NBPF3: variants seen among roughly 807,000 people sequenced by gnomAD.
NBPF3 encodes the protein NBPF family member NBPF3.
Under a neutral mutation model 78.1 loss-of-function variants are expected in NBPF3, and 57 were observed. The observed-to-expected ratio is 0.73, with a 90% CI of 0.59 to 0.91. The LOEUF (loss-of-function observed/expected upper bound fraction) is 0.91. NBPF3 is among the 40% of genes least tolerant of loss of function. The probability of loss-of-function intolerance (pLI) is 0.00; values close to 1 mark genes in which losing one functional copy is unlikely to be tolerated. For missense variants in NBPF3, 510 were observed against 715.3 expected (o/e 0.71, Z 3.27); for synonymous variants, 182 against 271.7 (o/e 0.67, Z 3.25).
intron 1 of NBPF3, among the ~76,000 whole-genome samples, chr1:21,442,591 A>G (rs555643010): frequency 1.4e-4 from 21 of 152,276 alleles, no homozygotes; most frequent in African/African-American, 4.8e-4. Context: ...TGTCATCTTT[A>G]AGAAATCAAT....
At chr1:21,438,234 TC>T (rs1640464487), upstream of NBPF3, among the ~76,000 whole-genome samples, 1 of 151,880 alleles carries the variant, frequency 6.6e-6, no homozygotes, top group African/African-American at 2.4e-5. Context: ...TGCCTCAGCC[TC>T]CCGAGTAGCT....
chr1:21,454,302 C>G (rs1445873409), intron 2 of NBPF3: 1 of 152,164 alleles, frequency 6.6e-6, no homozygotes, highest in Non-Finnish European at 1.5e-5. Context: ...AATGCCTAGA[C>G]TCCCATGAGT....
intron 1 of NBPF3, 106 bp downstream of exon 1, chr1:21,440,454 CGGGTGGG>C (rs1211973556): frequency 4.7e-4 from 3 of 6,420 alleles, no homozygotes; most frequent in African/African-American, 2.0e-3. Flanking sequence ...AGCGCGGGGG[CGGGTGGG>C]AGGTGGGGGG....
chr1:21,458,604 T>C (rs867981881), intron 2 of NBPF3, among the ~76,000 whole-genome samples: 8 of 152,172 alleles, frequency 5.3e-5, no homozygotes, highest in African/African-American at 1.2e-4. Flanking sequence ...GCATTAACCG[T>C]TGATGCAAAT....
chr1:21,472,797 G>T, intron 5 of NBPF3, 46 bp from the exon 6 acceptor site: 1 of 1,350,080 alleles, frequency 7.4e-7, no homozygotes, highest in Non-Finnish European at 1.1e-6. Flanking sequence ...TGTGCTTGCA[G>T]AGTGTGAATT....
At chr1:21,468,239 A>T (rs1476697368) in intron 2 of NBPF3, 1 of 264,166 alleles carries the variant, frequency 3.8e-6, no homozygotes, top group Non-Finnish European at 6.6e-6. Flanking sequence ...GCTTAGATGT[A>T]TTGGGAAAGA....
intron 8 of NBPF3, 167 bp from the exon 9 acceptor site, chr1:21,477,977 C>G: frequency 6.8e-7 from 1 of 1,465,070 alleles, no homozygotes; most frequent in South Asian, 1.3e-5. Flanking sequence ...AGAGCAGTCA[C>G]CCTCCAGCCT....
At chr1:21,475,777 G>T (rs191756358) in intron 8 of NBPF3, among the ~76,000 whole-genome samples, 1 of 152,174 alleles carries the variant, frequency 6.6e-6, no homozygotes, top group East Asian at 1.9e-4. Context: ...GTTCGTAGAT[G>T]TCTATTAGGT....
At position 21,468,729 on chromosome 1, in the gene NBPF3, G is replaced by T. The variant is rs779381680; in HGVS notation, c.175G>T (p.Val59Leu). 1 of 1,613,358 alleles carries T rather than the reference G, an allele frequency of 6.2e-7. No homozygotes were observed. The highest frequency in any genetic ancestry group is 1.3e-5 in the African/African-American group (1 of 74,894). The stretch of plus-strand genomic sequence containing the variant: ...TTCTGCCACAAACGTCAGCATGGTG[G>T]TATCTGCCGGCCCTTGGTCCGGTGA... The part of the protein sequence containing the change: ...TSSATNVSMV[V>L]SAGPWSGEKA... The change falls in exon 3 of 15, where the codon GTA becomes TTA. Residue 59 changes from valine to leucine, a missense_variant. Physicochemically the swap from Val to Leu is conservative, Grantham distance 32. Coordinates refer to ENST00000318249, the MANE Select transcript of NBPF3 (RefSeq NM_032264.6).
intron 2 of NBPF3, among the ~76,000 whole-genome samples, chr1:21,463,969 T>C (rs1315670170): frequency 6.6e-6 from 1 of 152,254 alleles, no homozygotes; most frequent in East Asian, 1.9e-4. Flanking sequence ...TCAAAAGTGA[T>C]GGAGAATATC....
At chr1:21,449,920 CATTGATTG>C (rs34361598) in intron 2 of NBPF3, 8 of 265,102 alleles carry the variant, frequency 3.0e-5, no homozygotes, top group Admixed American at 1.3e-4. Context: ...GTAGTTCTTT[CATTGATTG>C]ATTGATTGAT....
rs189485535 is a variant in NBPF3 at position 21,452,547 on chromosome 1, T to A, written c.133+7328T>A. On this transcript the variant is annotated intron_variant, in intron 2 of 14. Transcript: ENST00000318249. ...GCCTGCCTGCTGTGCCCAAAATTCA[T>A]TGGAGATTATTGCGGTGAAGAATTT... Among the ~76,000 whole-genome samples the A allele has an allele frequency of 5.3e-5, 8 of 152,334 alleles. No homozygotes were observed. The East Asian group carries it at 1.5e-3, about 29-fold the overall frequency.
chr1:21,440,655 G>A (rs1412331623), intron 1 of NBPF3: 5 of 152,268 alleles, frequency 3.3e-5, no homozygotes. Context: ...ATCCTGTAGA[G>A]GACACTGACT....
chr1:21,459,816 G>A (rs1261223946), intron 2 of NBPF3: 2 of 284,410 alleles, frequency 7.0e-6, no homozygotes, highest in Middle Eastern at 7.1e-4. Context: ...GATGCTCTTC[G>A]TTTGAAGATG....
chr1:21,438,159 C>T (rs1288931356), upstream of NBPF3, among the ~76,000 whole-genome samples: 1 of 151,706 alleles, frequency 6.6e-6, no homozygotes, highest in Non-Finnish European at 1.5e-5. Context: ...GTCCCCTAGG[C>T]TGGATTGCAG....
At chr1:21,441,656 G>A (rs1322881878) in intron 1 of NBPF3, among the ~76,000 whole-genome samples, 2 of 150,096 alleles carry the variant, frequency 1.3e-5, no homozygotes, top group Admixed American at 1.3e-4. Flanking sequence ...GCAGTGAGCC[G>A]TGATCATGGC....
chr1:21,447,489 A>G (rs895003591), intron 2 of NBPF3, among the ~76,000 whole-genome samples: 4 of 152,228 alleles, frequency 2.6e-5, no homozygotes, highest in Non-Finnish European at 4.4e-5. Flanking sequence ...AGAATGTCCT[A>G]GAGTTGGAAT....
chr1:21,479,969 T>G, intron 10 of NBPF3, 82 bp from the exon 11 acceptor site: 1 of 802,548 alleles, frequency 1.2e-6, no homozygotes, highest in Non-Finnish European at 2.3e-6. Flanking sequence ...AAACAGTTCC[T>G]TATGTTACCC....
Position 21,479,970 on chromosome 1 carries a change from T to C in NBPF3, c.1209-81T>C, listed in dbSNP as rs1570103437. On this transcript the variant is annotated intron_variant, in intron 10 of 14. Transcript: ENST00000318249. ...TCCTTTTTCTTTTCAAACAGTTCCT[T>C]ATGTTACCCATGAAATCTAGCTGGG... The C allele has an allele frequency of 8.7e-6, 7 of 803,588 alleles. No homozygotes were observed. In the East Asian group the frequency reaches 1.5e-4, roughly 17 times the overall value. 49.8% of individuals were successfully genotyped at this position (803,588 alleles called of 1,614,324 possible).
Sources: allele counts gnomAD v4.1 joint callset (sites outside exome capture counted in the v4.1 genomes callset), GRCh38; gene constraint gnomAD v4.1.1; transcripts MANE v1.5; gene names NCBI Gene and HGNC (gene_info 2026-07-23, HGNC 2026-07-21).